The following OTUD7B variants were observed in gnomAD, a reference collection of about 807,000 sequenced individuals.
OTUD7B encodes OTU domain-containing protein 7B.
A neutral mutation model predicts 82.2 loss-of-function variants in OTUD7B; 34 were observed. The observed-to-expected ratio is 0.41, with a 90% CI of 0.31 to 0.55. The LOEUF is 0.55. OTUD7B is among the 20% of genes least tolerant of loss of function. OTUD7B has a pLI of 0.20. For missense variants in OTUD7B, 944 were observed against 1,062.1 expected, an observed-to-expected ratio of 0.89 and a Z score of 1.55; for synonymous variants, 398 against 402.7, an observed-to-expected ratio of 0.99 and a Z score of 0.14.
the OTUD7B span, among the ~76,000 whole-genome samples, chr1:150,056,136 G>C: frequency 6.6e-6 from 1 of 152,102 alleles, no homozygotes; most frequent in Non-Finnish European, 1.5e-5. Context: ...GAATTTTCTA[G>C]TACTTACTTC....
chr1:150,042,104 ACCCTCCCTCCCTCCCTCCCT>A, the OTUD7B span, among the ~76,000 whole-genome samples: 44 of 55,942 alleles, frequency 7.9e-4, 1 homozygote, highest in South Asian at 9.1e-4. Flanking sequence ...AGAGGTGCAG[ACCCTCCCTCCCTCCCTCCCT>A]CCCTCCCTCC....
chr1:149,964,356 C>T lies in OTUD7B; in HGVS notation c.605-7G>A, dbSNP rs1559840267. On this transcript the variant is annotated splice_region_variant and splice_polypyrimidine_tract_variant and intron_variant, in intron 5 of 11. Coordinates refer to ENST00000581312, the MANE Select transcript of OTUD7B (RefSeq NM_020205.4). ...TCATGGAAACCCCACATTCCTGTGG[C>T]AAAAAAGCATAATGGTAAGATACCT... The T allele has an allele frequency of 6.2e-7, 1 of 1,606,540 alleles. No homozygotes were observed. The highest frequency in any genetic ancestry group is 1.1e-5 in the South Asian group (1 of 89,890).
Position 149,971,773 on chromosome 1 carries a change from T to A in OTUD7B, c.86-522A>T, listed in dbSNP as rs1649956906. On this transcript the variant is annotated intron_variant, in intron 2 of 11. Transcript: ENST00000581312. ...ATCAGCTTTTCAAAGGAAACAGTGTTTCCCCCAAATTTAAGAATCACCATT... is the reference window on the plus strand; with the variant it reads ...ATCAGCTTTTCAAAGGAAACAGTGTATCCCCCAAATTTAAGAATCACCATT... Among the ~76,000 whole-genome samples, 5 of 152,172 alleles carry A rather than the reference T, an allele frequency of 3.3e-5. No individual in the cohort carries two copies. The South Asian group carries it at 1.0e-3, about 31-fold the overall frequency.
At chr1:150,008,661 T>G (rs963820874) in intron 1 of OTUD7B, among the ~76,000 whole-genome samples, 2 of 152,220 alleles carry the variant, frequency 1.3e-5, no homozygotes, top group Admixed American at 6.5e-5. Context: ...CTTCCATCTT[T>G]CCTTCTATCT....
intron 1 of OTUD7B, among the ~76,000 whole-genome samples, chr1:149,991,656 A>C (rs1651575648): frequency 6.6e-6 from 1 of 152,188 alleles, no homozygotes; most frequent in Non-Finnish European, 1.5e-5. Context: ...AGTGAGATTA[A>C]GTGACTTGTC....
intron 1 of OTUD7B, among the ~76,000 whole-genome samples, chr1:149,985,173 C>T (rs901103636): frequency 6.6e-6 from 1 of 152,064 alleles, no homozygotes; most frequent in African/African-American, 2.4e-5. Flanking sequence ...TTTGGGAGGC[C>T]GAGGCGGGCA....
intron 7 of OTUD7B, among the ~76,000 whole-genome samples, chr1:149,950,984 T>TTTTTTGAGATGGAGTCTCAC (rs1648191866): frequency 4.2e-3 from 1 of 238 alleles, no homozygotes; most frequent in African/African-American, 0.014. Context: ...TGTATTTTTT[T>TTTTTTGAGATGGAGTCTCAC]TTTTTTTTTT....
In OTUD7B at chr1:150,008,086, A is replaced by G. The variant is rs1034213190; in HGVS notation, c.-67+2362T>C. ...CAGAATACTTATTTTGGTTACATAC[A>G]TTGAATCTCAAAATTGCAAATAAAG... On this transcript the variant is annotated intron_variant, in intron 1 of 11. Coordinates refer to ENST00000581312, the MANE Select transcript of OTUD7B (RefSeq NM_020205.4). Among the ~76,000 whole-genome samples the G allele has an allele frequency of 2.6e-5, 4 of 152,346 alleles. No homozygotes were observed. In the South Asian group the frequency reaches 8.3e-4, roughly 32 times the overall value.
rs1553771612 is a variant in OTUD7B at position 149,944,741 on chromosome 1, T to A, written c.1648A>T (p.Lys550Ter). The A allele has an allele frequency of 6.2e-7, 1 of 1,612,066 alleles. No individual in the cohort carries two copies. The highest frequency in any genetic ancestry group is 1.1e-5 in the South Asian group (1 of 91,024). The change falls in exon 12 of 12, where the codon AAG (lysine) becomes TAG (stop). Residue 550 changes from lysine (K) to a stop codon, truncating the protein, a stop_gained. Transcript: ENST00000581312. LOFTEE classifies it high-confidence loss of function. ...GGSSGTETLE[K>*]KKKNSLKSWK... ...CTCTTCAGTGAGTTTTTCTTCTTCT[T>A]CTCCAGTGTCTCAGTGCCGCTGCTT...
At chr1:150,045,091 T>TAA in the OTUD7B span, among the ~76,000 whole-genome samples, 15 of 43,422 alleles carry the variant, frequency 3.5e-4, 1 homozygote, top group East Asian at 0.043. Context: ...GTTCTTAAAC[T>TAA]AAATTTTTTT....
chr1:149,964,069 T>C (rs587749419), intron 6 of OTUD7B, 153 bp downstream of exon 6: 41 of 786,190 alleles, frequency 5.2e-5, no homozygotes, highest in African/African-American at 2.4e-4. Context: ...ATTTACCCCA[T>C]TGGTGTTAAC....
intron 1 of OTUD7B, among the ~76,000 whole-genome samples, chr1:150,000,414 G>A (rs1377422895): frequency 3.9e-5 from 6 of 152,094 alleles, no homozygotes; most frequent in Non-Finnish European, 7.3e-5. Flanking sequence ...GGTAGATATT[G>A]CAGTGAGCAA....
chr1:150,028,510 A>G, the OTUD7B span, among the ~76,000 whole-genome samples: 2 of 152,164 alleles, frequency 1.3e-5, no homozygotes, highest in African/African-American at 2.4e-5. Context: ...GCACATCAAT[A>G]TTGTTGTGCA....
chr1:150,006,983 A>G (rs763692189), intron 1 of OTUD7B, among the ~76,000 whole-genome samples: 6 of 152,164 alleles, frequency 3.9e-5, no homozygotes, highest in African/African-American at 1.4e-4. Flanking sequence ...AGGACCTACA[A>G]TGATTCTATT....
chr1:149,950,979 T>TTTTTG (rs1648188020), intron 7 of OTUD7B, among the ~76,000 whole-genome samples: 1 of 246 alleles, frequency 4.1e-3, no homozygotes, highest in Non-Finnish European at 0.013. Flanking sequence ...CTTTTTGTAT[T>TTTTTG]TTTTTTTTTT....
rs377021899 is a variant in OTUD7B at position 149,944,232 on chromosome 1, T to C, written c.2157A>G (p.Pro719=). ...CATATGGTGGTAGGCCCCCGACACATGGACCCCCTGCCAACTGCCTCCGGG... is the reference window on the plus strand; with the variant it reads ...CATATGGTGGTAGGCCCCCGACACACGGACCCCCTGCCAACTGCCTCCGGG... The part of the protein sequence containing the change: ...QEPRRQLAGG[P]CVGGLPPYAT... Residue 719 remains proline, a synonymous_variant, in exon 12 of 12, where the codon CCA becomes CCG. Transcript: ENST00000581312. 4 of 1,612,718 alleles carry C rather than the reference T, an allele frequency of 2.5e-6. No individual in the cohort carries two copies. The highest frequency in any genetic ancestry group is 1.7e-5 in the Admixed American group (1 of 59,928).
chr1:149,992,403 T>A (rs587706333), intron 1 of OTUD7B, among the ~76,000 whole-genome samples: 150 of 151,970 alleles, frequency 9.9e-4, no homozygotes, highest in Non-Finnish European at 1.3e-3. Context: ...ACTGATAGTT[T>A]GAAGCTACTT....
intron 1 of OTUD7B, among the ~76,000 whole-genome samples, chr1:149,988,768 C>T (rs916583660): frequency 6.6e-6 from 1 of 152,090 alleles, no homozygotes; most frequent in East Asian, 1.9e-4. Flanking sequence ...TCAACTAAGG[C>T]CAAGGATAGT....
At chr1:150,039,350 C>A in the OTUD7B span, among the ~76,000 whole-genome samples, 1 of 149,978 alleles carries the variant, frequency 6.7e-6, no homozygotes, top group African/African-American at 2.5e-5. Context: ...TGAATATTAT[C>A]ATAAATTATA....
Sources: allele counts gnomAD v4.1 joint callset (sites outside exome capture counted in the v4.1 genomes callset), GRCh38; gene constraint gnomAD v4.1.1; transcripts MANE v1.5; gene names NCBI Gene and HGNC (gene_info 2026-07-23, HGNC 2026-07-21).